CRISPLD1: variants seen among roughly 807,000 people sequenced by gnomAD.
CRISPLD1 encodes cysteine-rich secretory protein LCCL domain-containing 1.
Under a neutral mutation model 77.5 loss-of-function variants are expected in CRISPLD1, and 60 were observed. The observed-to-expected ratio is 0.77, with a 90% confidence interval of 0.63 to 0.96. CRISPLD1 has a LOEUF of 0.96. Ranked by LOEUF, CRISPLD1 falls within the 40% of genes least tolerant of loss-of-function variation. The pLI, the probability that CRISPLD1 is intolerant of heterozygous loss-of-function variation, is 0.00. For missense variants in CRISPLD1, 623 were observed against 615.8 expected (o/e 1.01, Z -0.12); for synonymous variants, 195 against 200.1 (o/e 0.97, Z 0.22).
chr8:75,028,819 G>A (rs933719617), intron 13 of CRISPLD1, among the ~76,000 whole-genome samples: 4 of 151,718 alleles, frequency 2.6e-5, no homozygotes, highest in Non-Finnish European at 2.9e-5. Context: ...TTCTTTTTAG[G>A]GTTATTCTTT....
At chr8:75,020,150 G>T in intron 12 of CRISPLD1, 71 bp downstream of exon 12, 1 of 1,255,846 alleles carries the variant, frequency 8.0e-7, no homozygotes, top group East Asian at 2.3e-5. Flanking sequence ...TGATGTCTCT[G>T]GGATTCAAAA....
rs1812490467 is a variant in CRISPLD1, at chr8:74,986,045, G to A, written c.58G>A (p.Ala20Thr). The change falls in exon 2 of 15, where the codon GCA becomes ACA. Residue 20 changes from alanine to threonine, a missense_variant. Coordinates refer to ENST00000262207, the MANE Select transcript of CRISPLD1 (RefSeq NM_031461.6). ...RVTTVLFMAR[A>T]IPAMVVPNAT... ...AACCACAGTGCTGTTCATGGCTAGA[G>A]CAATTCCAGCCATGGTGGTTCCCAA... 1 of 1,613,934 alleles carries A rather than the reference G, an allele frequency of 6.2e-7. No individual in the cohort carries two copies. The highest frequency in any genetic ancestry group is 8.5e-7 in the Non-Finnish European group (1 of 1,179,960).
chr8:75,016,055 A>G (rs1298629763), intron 6 of CRISPLD1, among the ~76,000 whole-genome samples: 2 of 152,160 alleles, frequency 1.3e-5, no homozygotes, highest in Non-Finnish European at 1.5e-5. Flanking sequence ...AAATTTCTGC[A>G]TATTGAATTT....
At chr8:75,014,961 A>G in intron 6 of CRISPLD1, 49 bp downstream of exon 6, 1 of 1,265,816 alleles carries the variant, frequency 7.9e-7, no homozygotes, top group Non-Finnish European at 1.1e-6. Flanking sequence ...ATTTTAATCC[A>G]GCTCCTGCAT....
chr8:75,029,537 A>G lies in CRISPLD1; in HGVS notation c.1451+20A>G, dbSNP rs1204544452. On this transcript the variant is annotated intron_variant, in intron 14 of 14. Coordinates refer to ENST00000262207, the MANE Select transcript of CRISPLD1 (RefSeq NM_031461.6). ...AGAAAGGTAAAAACAAAACATATGT[A>G]TGTATACTTTTAAATACCATCTATC... 14 of 1,604,594 alleles carry G rather than the reference A, an allele frequency of 8.7e-6. No individual in the cohort carries two copies. Among genetic ancestry groups the G allele is most frequent in the East Asian group, 2.2e-5 (1 of 44,838 alleles).
In CRISPLD1 at chr8:75,032,025, C is replaced by T. The variant is rs548702308; in HGVS notation, c.1452-166C>T. ...ACCAAGAGTTAAGAGTTATGTCATC[C>T]TCATTCGAGCTTTCCAATAACTATA... On this transcript the variant is annotated intron_variant, in intron 14 of 14. Transcript: ENST00000262207. 3.3e-5 allele frequency among the ~76,000 whole-genome samples: 5 copies of T among 152,036 alleles called. No homozygotes were observed. The South Asian group carries it at 1.0e-3, about 32-fold the overall frequency.
chr8:75,020,824 C>T (rs1240770874), intron 12 of CRISPLD1, among the ~76,000 whole-genome samples: 1 of 152,004 alleles, frequency 6.6e-6, no homozygotes, highest in African/African-American at 2.4e-5. Flanking sequence ...CCATCTTTAC[C>T]TTTCTTTTAT....
chr8:74,998,575 C>T (rs978606596), intron 2 of CRISPLD1, among the ~76,000 whole-genome samples: 1 of 147,776 alleles, frequency 6.8e-6, no homozygotes, highest in Non-Finnish European at 1.5e-5. Flanking sequence ...GTAGTCTCAG[C>T]TACTGGGAAG....
rs1412812769 is a variant in CRISPLD1, at chr8:75,032,779, G to T, written c.*537G>T. The T allele has an allele frequency of 6.6e-6, 1 of 151,750 alleles. No homozygotes were observed. 9.4% of individuals were successfully genotyped at this position (151,750 alleles called of 1,614,324 possible). A position where few individuals can be genotyped will look rare whatever the true frequency, so the allele number is the denominator to read the frequency against. ...TTAGGCATATAGAATATTAAATTCTGATATTGCACTTCTTATTTTATATAA... is the reference window on the plus strand; with the variant it reads ...TTAGGCATATAGAATATTAAATTCTTATATTGCACTTCTTATTTTATATAA... On this transcript the variant is annotated 3_prime_UTR_variant, in exon 15 of 15. Coordinates refer to ENST00000262207, the MANE Select transcript of CRISPLD1 (RefSeq NM_031461.6).
rs1813277966 is a variant in CRISPLD1 at position 75,028,669 on chromosome 8, A to G, written c.1321-718A>G. 2.6e-5 allele frequency among the ~76,000 whole-genome samples: 4 copies of G among 152,322 alleles called. No homozygotes were observed. The South Asian group carries it at 6.2e-4, about 24-fold the overall frequency. ...ACCTGAAACAACAATTTTCTTCTCC[A>G]TAGAAATCCCATTCAATTCAGATTA... On this transcript the variant is annotated intron_variant, in intron 13 of 14. Transcript: ENST00000262207.
In CRISPLD1 at chr8:75,030,877, C is replaced by A. The variant is rs776869721; in HGVS notation, c.1452-1314C>A. 4.0e-5 allele frequency among the ~76,000 whole-genome samples: 6 copies of A among 151,554 alleles called. No individual in the cohort carries two copies. The East Asian group carries it at 9.7e-4, about 24-fold the overall frequency. On this transcript the variant is annotated intron_variant, in intron 14 of 14. Transcript: ENST00000262207. ...GTATATATACACACACATATAGATA[C>A]GTATATACACTTCTATATACACATA...
intron 12 of CRISPLD1, among the ~76,000 whole-genome samples, chr8:75,025,333 T>A (rs1813213002): frequency 6.6e-6 from 1 of 151,606 alleles, no homozygotes; most frequent in Non-Finnish European, 1.5e-5. Flanking sequence ...CCTAACTAAT[T>A]TTTTTTAAAT....
chr8:74,994,015 T>C (rs1812612555), intron 2 of CRISPLD1, among the ~76,000 whole-genome samples: 1 of 152,282 alleles, frequency 6.6e-6, no homozygotes, highest in Non-Finnish European at 1.5e-5. Context: ...TTTAGCTGAG[T>C]GATAAGAAGC....
intron 13 of CRISPLD1, among the ~76,000 whole-genome samples, chr8:75,025,978 C>A (rs1813228046): frequency 6.6e-6 from 1 of 152,104 alleles, no homozygotes; most frequent in Admixed American, 6.5e-5. Context: ...AAAGTTGAAA[C>A]AATATCTTCA....
At chr8:75,022,589 G>GAAA (rs71565425) in intron 12 of CRISPLD1, among the ~76,000 whole-genome samples, 2 of 82,370 alleles carry the variant, frequency 2.4e-5, no homozygotes, top group Non-Finnish European at 4.8e-5. Context: ...CTCTGTCTCA[G>GAAA]AAAAAAAAAA....
At position 75,017,029 on chromosome 8, in the gene CRISPLD1, C is replaced by G; in HGVS notation, c.930-18C>G. ...CATTCAGAGAAACTAAATTTTGTGCCCAATTACTTTTATTTAGGTACGAAT... is the reference window on the plus strand; with the variant it reads ...CATTCAGAGAAACTAAATTTTGTGCGCAATTACTTTTATTTAGGTACGAAT... On this transcript the variant is annotated intron_variant, in intron 8 of 14. Coordinates refer to ENST00000262207, the MANE Select transcript of CRISPLD1 (RefSeq NM_031461.6). 6.2e-7 allele frequency: 1 copy of G among 1,603,172 alleles called. No individual in the cohort carries two copies. Among genetic ancestry groups the G allele is most frequent in the Non-Finnish European group, 8.5e-7 (1 of 1,174,086 alleles).
Position 75,020,060 on chromosome 8 carries a change from C to G in CRISPLD1, c.1225C>G (p.Pro409Ala). 2 of 1,614,012 alleles carry G rather than the reference C, an allele frequency of 1.2e-6. No homozygotes were observed. Among genetic ancestry groups the G allele is most frequent in the South Asian group, 1.1e-5 (1 of 91,084 alleles). ...TVEQLCPFHKPASHCPRVYCP... is the reference protein window; with the variant it reads ...TVEQLCPFHKAASHCPRVYCP... The stretch of plus-strand genomic sequence containing the variant: ...GGAACAGCTCTGTCCATTTCATAAG[C>G]CTGCTTCACATTGCCCAAGGTAAAC... The change falls in exon 12 of 15, where the codon CCT (proline) becomes GCT (alanine). Residue 409 changes from proline to alanine, a missense_variant. By Grantham distance (27) the Pro-to-Ala change is conservative (BLOSUM62 -1). Transcript: ENST00000262207.
chr8:74,988,930 C>T (rs1429858299), intron 2 of CRISPLD1, among the ~76,000 whole-genome samples: 1 of 152,160 alleles, frequency 6.6e-6, no homozygotes, highest in Non-Finnish European at 1.5e-5. Flanking sequence ...TGAAAATTTG[C>T]TCATAAGCAA....
At chr8:75,018,724 G>A (rs1813080862) in intron 10 of CRISPLD1, among the ~76,000 whole-genome samples, 1 of 151,108 alleles carries the variant, frequency 6.6e-6, no homozygotes, top group African/African-American at 2.4e-5. Flanking sequence ...CCAAGTAGCT[G>A]GGACTACAGG....
Sources: gnomAD v4.1 joint callset for allele counts (sites outside exome capture counted in the v4.1 genomes callset) on GRCh38, gnomAD v4.1.1 for gene constraint, MANE v1.5 for transcripts, NCBI Gene and HGNC (gene_info 2026-07-23, HGNC 2026-07-21) for gene names.